ATRNL1: variants seen among roughly 807,000 people sequenced by gnomAD.
The protein encoded by ATRNL1 is attractin-like protein 1.
Under a neutral mutation model 182.7 loss-of-function variants are expected in ATRNL1, and 95 were observed. The ratio of observed to expected loss-of-function variants is 0.52; its 90% CI spans 0.44 to 0.62. The LOEUF (loss-of-function observed/expected upper bound fraction) is 0.62. ATRNL1 is among the 20% of genes least tolerant of loss of function. The pLI, the probability that ATRNL1 is intolerant of heterozygous loss-of-function variation, is 0.00. For missense variants in ATRNL1, 1,471 were observed against 1,679.5 expected (o/e 0.88, Z 2.17); for synonymous variants, 576 against 568.3 (o/e 1.01, Z -0.19).
intron 21 of ATRNL1, among the ~76,000 whole-genome samples, chr10:115,453,828 A>G (rs1029417176): frequency 1.3e-4 from 20 of 151,628 alleles, no homozygotes; most frequent in African/African-American, 3.4e-4. Context: ...GGATAGCATT[A>G]GGAGATATAC....
rs763776231 is a variant in ATRNL1, at chr10:115,233,531, C to G, written c.1533-8040C>G. Among the ~76,000 whole-genome samples, 3 of 152,162 alleles carry G rather than the reference C, an allele frequency of 2.0e-5. No homozygotes were observed. In the East Asian group the frequency reaches 5.8e-4, roughly 29 times the overall value. On this transcript the variant is annotated intron_variant, in intron 9 of 28. Coordinates refer to ENST00000355044, the MANE Select transcript of ATRNL1 (RefSeq NM_207303.4). Reference sequence around the variant, plus strand: ...ACAGCTTTATATTTTTCTCGTCTTACAATTTCTGCTATAATCTTCAGCTCA... The same window carrying G: ...ACAGCTTTATATTTTTCTCGTCTTAGAATTTCTGCTATAATCTTCAGCTCA...
intron 23 of ATRNL1, among the ~76,000 whole-genome samples, chr10:115,467,766 T>C (rs974091925): frequency 6.6e-6 from 1 of 150,722 alleles, no homozygotes; most frequent in African/African-American, 2.4e-5. Flanking sequence ...CATAATAAGG[T>C]TAATAAATTT....
intron 8 of ATRNL1, among the ~76,000 whole-genome samples, chr10:115,178,215 C>T (rs115694898): frequency 0.015 from 2,219 of 151,870 alleles, 50 homozygotes; most frequent in African/African-American, 0.05. Flanking sequence ...TGGCCAAGGA[C>T]GGGAAATTTT....
At chr10:115,732,167 T>G (rs534032426) in intron 27 of ATRNL1, among the ~76,000 whole-genome samples, 4 of 152,320 alleles carry the variant, frequency 2.6e-5, no homozygotes, top group East Asian at 3.9e-4. Context: ...TACATTTTTT[T>G]GGGTATATGC....
chr10:115,900,710 C>T (rs781893867), intron 28 of ATRNL1, among the ~76,000 whole-genome samples: 21 of 152,162 alleles, frequency 1.4e-4, no homozygotes, highest in Non-Finnish European at 2.5e-4. Flanking sequence ...AATTTGAACC[C>T]AGGCTGACTT....
rs192037116 is a variant in ATRNL1, at chr10:115,230,768, G to A, written c.1533-10803G>A. ...GGAGATGATGGTATCTGGAACCATAGAGGCCAATGTGAAGGTAGTGAGAAT... is the reference window on the plus strand; with the variant it reads ...GGAGATGATGGTATCTGGAACCATAAAGGCCAATGTGAAGGTAGTGAGAAT... On this transcript the variant is annotated intron_variant, in intron 9 of 28. Coordinates refer to ENST00000355044, the MANE Select transcript of ATRNL1 (RefSeq NM_207303.4). Among the ~76,000 whole-genome samples the A allele has an allele frequency of 1.2e-3, 180 of 152,040 alleles. 2 individuals carry two copies. In the South Asian group the frequency reaches 0.024, roughly 20 times the overall value.
intron 27 of ATRNL1, among the ~76,000 whole-genome samples, chr10:115,732,102 A>G (rs958069989): frequency 3.9e-5 from 6 of 152,222 alleles, no homozygotes; most frequent in Non-Finnish European, 8.8e-5. Flanking sequence ...CCTTTTGGAT[A>G]CTATGAATGA....
At chr10:115,344,053 C>G (rs1258825389) in intron 19 of ATRNL1, among the ~76,000 whole-genome samples, 1 of 152,156 alleles carries the variant, frequency 6.6e-6, no homozygotes, top group African/African-American at 2.4e-5. Flanking sequence ...GTGGCCATCA[C>G]CAGTATGACT....
intron 1 of ATRNL1, chr10:115,096,652 G>A (rs1018078947): frequency 2.1e-5 from 27 of 1,288,434 alleles, no homozygotes; most frequent in African/African-American, 6.1e-5. Context: ...TAGGGATTTC[G>A]CCAGGGAATA....
intron 26 of ATRNL1, among the ~76,000 whole-genome samples, chr10:115,575,978 A>C (rs1413236725): frequency 1.3e-5 from 2 of 152,140 alleles, no homozygotes; most frequent in African/African-American, 4.8e-5. Flanking sequence ...TATCACATAT[A>C]GATGAGATCA....
chr10:115,257,516 G>T (rs1554907382), intron 10 of ATRNL1, among the ~76,000 whole-genome samples: 1 of 152,100 alleles, frequency 6.6e-6, no homozygotes, highest in East Asian at 1.9e-4. Flanking sequence ...TTGAGCCTAT[G>T]TGCATCTTTG....
chr10:115,349,565 A>G (rs1045499941), intron 19 of ATRNL1, among the ~76,000 whole-genome samples: 1 of 152,164 alleles, frequency 6.6e-6, no homozygotes, highest in Non-Finnish European at 1.5e-5. Context: ...TAGTGGTTGT[A>G]CTAATTTACA....
chr10:115,354,870 ATTC>A (rs1554942422), intron 19 of ATRNL1, among the ~76,000 whole-genome samples: 2 of 151,696 alleles, frequency 1.3e-5, no homozygotes, highest in East Asian at 3.9e-4. Flanking sequence ...ATCATATTTT[ATTC>A]TTTTTTATTC....
intron 24 of ATRNL1, among the ~76,000 whole-genome samples, chr10:115,517,786 T>C (rs1259589958): frequency 6.6e-6 from 1 of 151,794 alleles, no homozygotes; most frequent in Non-Finnish European, 1.5e-5. Flanking sequence ...AGAATTCTGT[T>C]ACCATGGATT....
chr10:115,375,637 G>A (rs546156553), intron 19 of ATRNL1, among the ~76,000 whole-genome samples: 1 of 151,692 alleles, frequency 6.6e-6, no homozygotes, highest in South Asian at 2.1e-4. Context: ...ATGTACTAGA[G>A]GTTTTTATTT....
intron 17 of ATRNL1, among the ~76,000 whole-genome samples, chr10:115,304,791 T>C (rs1220538744): frequency 1.3e-5 from 2 of 152,024 alleles, no homozygotes; most frequent in African/African-American, 2.4e-5. Context: ...CCCAAATACA[T>C]GTGGGGCAAG....
At chr10:115,686,706 T>C (rs904960032) in intron 26 of ATRNL1, among the ~76,000 whole-genome samples, 1 of 151,978 alleles carries the variant, frequency 6.6e-6, no homozygotes, top group African/African-American at 2.4e-5. Flanking sequence ...ATGTTTCAAA[T>C]GGGTCATTTA....
intron 26 of ATRNL1, among the ~76,000 whole-genome samples, chr10:115,615,001 G>T (rs1354102980): frequency 6.6e-6 from 1 of 151,028 alleles, no homozygotes; most frequent in African/African-American, 2.4e-5. Context: ...TTTTTCATAT[G>T]GGAATTTAAA....
intron 1 of ATRNL1, chr10:115,096,852 G>T (rs2085023839): frequency 9.1e-7 from 1 of 1,104,628 alleles, no homozygotes; most frequent in Non-Finnish European, 1.1e-6. Context: ...AAAACAAAAG[G>T]AACATTGATT....
Sources: allele counts gnomAD v4.1 joint callset (sites outside exome capture counted in the v4.1 genomes callset), GRCh38; gene constraint gnomAD v4.1.1; transcripts MANE v1.5; gene names NCBI Gene and HGNC (gene_info 2026-07-23, HGNC 2026-07-21).